Variants in PLXNA4 observed in about 807,000 individuals in gnomAD.
PLXNA4 encodes the protein plexin-A4.
A neutral mutation model predicts 191.8 loss-of-function variants in PLXNA4; 44 were observed. That is an observed-to-expected ratio of 0.23 (90% CI 0.18 to 0.29). The LOEUF (loss-of-function observed/expected upper bound fraction) is 0.29, where lower values mean the gene tolerates loss of function less well. Among genes scored for constraint, PLXNA4 ranks in the 10% least tolerant of loss-of-function variants. The pLI is 1.00. For synonymous variants in PLXNA4, 1,082 were observed against 1,009.5 expected, an observed-to-expected ratio of 1.07 and a Z score of -1.36; for missense variants, 1,800 against 2,488.8, an observed-to-expected ratio of 0.72 and a Z score of 5.89.
intron 3 of PLXNA4, among the ~76,000 whole-genome samples, chr7:132,409,693 C>G (rs753279941): frequency 6.6e-6 from 1 of 152,196 alleles, no homozygotes; most frequent in African/African-American, 2.4e-5. Context: ...ATCTTTCCCA[C>G]CGTTCAGAGA....
chr7:132,350,005 C>T (rs1803417843), intron 3 of PLXNA4, among the ~76,000 whole-genome samples: 1 of 152,104 alleles, frequency 6.6e-6, no homozygotes, highest in Non-Finnish European at 1.5e-5. Flanking sequence ...TGAATGTGTG[C>T]TGCAGCCCTC....
intron 20 of PLXNA4, 90 bp from the exon 21 acceptor site, chr7:132,175,010 C>G: frequency 6.5e-7 from 1 of 1,547,980 alleles, no homozygotes; most frequent in Non-Finnish European, 8.8e-7. Context: ...TTACCCAAGC[C>G]CCTAGGAGAC....
intron 1 of PLXNA4, among the ~76,000 whole-genome samples, chr7:132,566,258 T>C (rs2116726317): frequency 6.6e-6 from 1 of 152,122 alleles, no homozygotes; most frequent in East Asian, 1.9e-4. Flanking sequence ...GGGTACCCCC[T>C]TTTACCCCAA....
chr7:132,318,832 T>C (rs1802051346), intron 3 of PLXNA4, among the ~76,000 whole-genome samples: 1 of 152,158 alleles, frequency 6.6e-6, no homozygotes, highest in South Asian at 2.1e-4. Context: ...TGTAGGTATG[T>C]GTGTGCGCGG....
At chr7:132,254,214 C>T (rs999151441) in intron 4 of PLXNA4, among the ~76,000 whole-genome samples, 1 of 152,164 alleles carries the variant, frequency 6.6e-6, no homozygotes, top group Non-Finnish European at 1.5e-5. Context: ...GGACCCTCAG[C>T]TCTGCCCTTT....
At chr7:132,569,458 G>C (rs753275246) in intron 1 of PLXNA4, among the ~76,000 whole-genome samples, 9 of 152,202 alleles carry the variant, frequency 5.9e-5, no homozygotes, top group Admixed American at 2.0e-4. Flanking sequence ...CCATAGTTTT[G>C]ACAAGAATAG....
chr7:132,281,889 G>A (rs1211775788), intron 4 of PLXNA4, among the ~76,000 whole-genome samples: 2 of 152,158 alleles, frequency 1.3e-5, no homozygotes, highest in African/African-American at 4.8e-5. Flanking sequence ...TCATTGCAAA[G>A]TATTATAAAG....
chr7:132,218,548 C>T lies in PLXNA4; in HGVS notation c.2097+4979G>A, dbSNP rs1798042207. Among the ~76,000 whole-genome samples the T allele has an allele frequency of 2.0e-5, 3 of 152,310 alleles. No individual in the cohort carries two copies. In the South Asian group the frequency reaches 6.2e-4, roughly 32 times the overall value. ...TAGTCCATCAAGGACAAATTCTTGC[C>T]AATGGATTTGCTTTTGCAAGGAAGT... On this transcript the variant is annotated intron_variant, in intron 9 of 31. Transcript: ENST00000321063.
intron 2 of PLXNA4, among the ~76,000 whole-genome samples, chr7:132,641,995 AAAAT>A (rs955978673): frequency 2.0e-5 from 3 of 152,202 alleles, no homozygotes; most frequent in Admixed American, 2.0e-4. Context: ...GAAATATGGT[AAAAT>A]AAATAAATAA....
intron 2 of PLXNA4, among the ~76,000 whole-genome samples, chr7:132,606,120 T>C (rs941989607): frequency 2.6e-5 from 4 of 152,140 alleles, no homozygotes; most frequent in Non-Finnish European, 5.9e-5. Flanking sequence ...GCCGAGATCA[T>C]GCCATTGCAC....
At chr7:132,632,650 G>A (rs545388356) in intron 2 of PLXNA4, among the ~76,000 whole-genome samples, 1 of 152,194 alleles carries the variant, frequency 6.6e-6, no homozygotes, top group South Asian at 2.1e-4. Context: ...TCACAAAATT[G>A]CCAAGTTTAT....
At chr7:132,575,309 C>G (rs767919772) in intron 1 of PLXNA4, among the ~76,000 whole-genome samples, 1 of 152,148 alleles carries the variant, frequency 6.6e-6, no homozygotes, top group African/African-American at 2.4e-5. Context: ...GGAAATAGGA[C>G]CTTAAAGCAC....
At chr7:132,298,277 C>G (rs1801181108) in intron 3 of PLXNA4, 55 bp from the exon 4 acceptor site, 1 of 1,560,808 alleles carries the variant, frequency 6.4e-7, no homozygotes, top group African/African-American at 1.4e-5. Context: ...CTGCCCACAG[C>G]CAAACTTCAG....
At chr7:132,470,485 C>A (rs779483465) in intron 3 of PLXNA4, among the ~76,000 whole-genome samples, 2 of 152,204 alleles carry the variant, frequency 1.3e-5, no homozygotes, top group Non-Finnish European at 2.9e-5. Flanking sequence ...GAGGAATCTC[C>A]ACTTGTATAG....
At chr7:132,135,616 C>T (rs1795089158) in intron 30 of PLXNA4, among the ~76,000 whole-genome samples, 2 of 152,190 alleles carry the variant, frequency 1.3e-5, no homozygotes, top group Non-Finnish European at 2.9e-5. Flanking sequence ...CTCATGGTAG[C>T]ACACTAAAAG....
intron 21 of PLXNA4, among the ~76,000 whole-genome samples, chr7:132,173,243 T>G (rs912701547): frequency 6.6e-6 from 1 of 151,432 alleles, no homozygotes; most frequent in African/African-American, 2.4e-5. Flanking sequence ...TGGAGAAAAA[T>G]AAAAGGAAGA....
intron 2 of PLXNA4, among the ~76,000 whole-genome samples, chr7:132,613,564 C>T (rs751994565): frequency 6.6e-6 from 1 of 152,112 alleles, no homozygotes; most frequent in Non-Finnish European, 1.5e-5. Context: ...GTGGATATGG[C>T]AATGGGGGTG....
chr7:132,528,721 G>T (rs1281201659), intron 1 of PLXNA4, among the ~76,000 whole-genome samples: 2 of 152,226 alleles, frequency 1.3e-5, no homozygotes, highest in Non-Finnish European at 2.9e-5. Context: ...CCATGAGAGA[G>T]GCACCACTGA....
At chr7:132,201,381 A>G (rs974768857) in intron 12 of PLXNA4, among the ~76,000 whole-genome samples, 4 of 152,146 alleles carry the variant, frequency 2.6e-5, no homozygotes, top group African/African-American at 7.2e-5. Context: ...AGGGGTGTAA[A>G]GGTGTGGTGC....
Sources: gnomAD v4.1 joint callset for allele counts (sites outside exome capture counted in the v4.1 genomes callset) on GRCh38, gnomAD v4.1.1 for gene constraint, MANE v1.5 for transcripts, NCBI Gene and HGNC (gene_info 2026-07-23, HGNC 2026-07-21) for gene names.